Variants in BBS9 observed in about 807,000 individuals in gnomAD.
BBS9 encodes protein PTHB1.
BBS9 carries 89 observed loss-of-function variants against 117.7 expected under a neutral mutation model. The observed-to-expected ratio is 0.76, with a 90% CI of 0.64 to 0.90. The LOEUF (loss-of-function observed/expected upper bound fraction) is 0.90. Among genes scored for constraint, BBS9 ranks in the 40% least tolerant of loss-of-function variants. The pLI is 0.00. For missense variants in BBS9, 982 were observed against 1,042.2 expected (o/e 0.94, Z 0.80); for synonymous variants, 379 against 370.9 (o/e 1.02, Z -0.25).
intron 21 of BBS9, among the ~76,000 whole-genome samples, chr7:33,626,063 G>T (rs576020539): frequency 6.6e-6 from 1 of 152,144 alleles, no homozygotes; most frequent in Admixed American, 6.5e-5. Flanking sequence ...GGAGGAGAGG[G>T]GCCTGGTGGG....
intron 9 of BBS9, among the ~76,000 whole-genome samples, chr7:33,310,006 G>T (rs1037957509): frequency 6.6e-6 from 1 of 152,184 alleles, no homozygotes; most frequent in African/African-American, 2.4e-5. Context: ...CAAAAAAGGG[G>T]CACATATCAC....
intron 5 of BBS9, among the ~76,000 whole-genome samples, chr7:33,219,052 C>A (rs146815660): frequency 0.013 from 2,016 of 152,268 alleles, 48 homozygotes; most frequent in African/African-American, 0.047. Flanking sequence ...GTGGGCTTGG[C>A]GGGCCCCGCA....
At chr7:33,325,630 G>A (rs1482248871) in intron 9 of BBS9, among the ~76,000 whole-genome samples, 1 of 152,102 alleles carries the variant, frequency 6.6e-6, no homozygotes, top group Non-Finnish European at 1.5e-5. Flanking sequence ...TTTTCTGAAG[G>A]CTTTCCAGGT....
chr7:33,569,087 AAT>A (rs1041986870), intron 21 of BBS9, among the ~76,000 whole-genome samples: 8 of 152,198 alleles, frequency 5.3e-5, no homozygotes, highest in African/African-American at 1.4e-4. Flanking sequence ...TGGATACAAA[AAT>A]ATAACAGATG....
At chr7:33,524,780 C>T (rs1183901338) in intron 20 of BBS9, among the ~76,000 whole-genome samples, 1 of 152,032 alleles carries the variant, frequency 6.6e-6, no homozygotes, top group Non-Finnish European at 1.5e-5. Context: ...TTATTTCTTG[C>T]CTTCTTCTAG....
At chr7:33,522,519 G>C (rs1848786143) in intron 20 of BBS9, among the ~76,000 whole-genome samples, 1 of 152,048 alleles carries the variant, frequency 6.6e-6, no homozygotes. Context: ...ATTTTTTCAT[G>C]TGTTTTTTGG....
At chr7:33,385,590 A>T (rs942492635) in intron 18 of BBS9, among the ~76,000 whole-genome samples, 6 of 152,256 alleles carry the variant, frequency 3.9e-5, no homozygotes, top group Non-Finnish European at 8.8e-5. Context: ...ATTCAAAGGA[A>T]TGATAACCTG....
intron 21 of BBS9, among the ~76,000 whole-genome samples, chr7:33,625,754 A>G (rs1330469281): frequency 2.6e-5 from 4 of 152,208 alleles, no homozygotes; most frequent in South Asian, 2.1e-4. Flanking sequence ...ATTTTTCCTC[A>G]TAAAGATACG....
chr7:33,389,685 T>G (rs1826688022), intron 19 of BBS9, among the ~76,000 whole-genome samples: 1 of 45,620 alleles, frequency 2.2e-5, no homozygotes, highest in Non-Finnish European at 3.6e-5. Context: ...CAAGACTCCA[T>G]CTAAAAAAAA....
At chr7:33,360,295 A>C (rs1275275580) in intron 16 of BBS9, among the ~76,000 whole-genome samples, 2 of 152,144 alleles carry the variant, frequency 1.3e-5, no homozygotes, top group Non-Finnish European at 2.9e-5. Context: ...AATGTTTTTA[A>C]AACTTCTGAA....
intron 5 of BBS9, among the ~76,000 whole-genome samples, chr7:33,186,114 C>G (rs1230833643): frequency 6.6e-6 from 1 of 152,172 alleles, no homozygotes; most frequent in Non-Finnish European, 1.5e-5. Context: ...TCTAGCTGTG[C>G]TTCTCAAACT....
chr7:33,300,390 A>G (rs1192841766), intron 9 of BBS9, among the ~76,000 whole-genome samples: 2 of 152,220 alleles, frequency 1.3e-5, no homozygotes, highest in African/African-American at 4.8e-5. Context: ...TATCCAGTTC[A>G]CAGATGCTGT....
intron 21 of BBS9, among the ~76,000 whole-genome samples, chr7:33,603,018 A>G (rs1864035157): frequency 6.6e-6 from 1 of 152,158 alleles, no homozygotes; most frequent in African/African-American, 2.4e-5. Flanking sequence ...TTGTCAAAAT[A>G]CTGAGTCAGC....
intron 19 of BBS9, among the ~76,000 whole-genome samples, chr7:33,470,483 C>G (rs1320569977): frequency 6.6e-6 from 1 of 152,044 alleles, no homozygotes; most frequent in Non-Finnish European, 1.5e-5. Context: ...TTTTACCACC[C>G]CTATTTATTG....
At chr7:33,247,739 T>C (rs566925948) in intron 5 of BBS9, among the ~76,000 whole-genome samples, 1 of 152,326 alleles carries the variant, frequency 6.6e-6, no homozygotes, top group South Asian at 2.1e-4. Flanking sequence ...TGAATGTGCA[T>C]GGAATTTGTT....
intron 9 of BBS9, chr7:33,314,389 A>G (rs937263491): frequency 1.4e-4 from 44 of 321,960 alleles, no homozygotes; most frequent in Non-Finnish European, 2.4e-4. Flanking sequence ...GCTCAGTGCT[A>G]GATTAGAGCT....
chr7:33,419,723 T>C (rs1206206339), intron 19 of BBS9, among the ~76,000 whole-genome samples: 1 of 152,208 alleles, frequency 6.6e-6, no homozygotes, highest in Non-Finnish European at 1.5e-5. Context: ...GTTTGGCCTG[T>C]TTTTATTTGA....
At chr7:33,471,211 G>A (rs1312766500) in intron 19 of BBS9, among the ~76,000 whole-genome samples, 1 of 152,132 alleles carries the variant, frequency 6.6e-6, no homozygotes, top group African/African-American at 2.4e-5. Context: ...TAAATGTACA[G>A]TCATAGTGGG....
chr7:33,215,666 A>T (rs1788913583), intron 5 of BBS9, among the ~76,000 whole-genome samples: 1 of 152,142 alleles, frequency 6.6e-6, no homozygotes, highest in African/African-American at 2.4e-5. Flanking sequence ...CAGGAATATT[A>T]TTCAGCCATA....
Sources: gnomAD v4.1 joint callset for allele counts (sites outside exome capture counted in the v4.1 genomes callset) on GRCh38, gnomAD v4.1.1 for gene constraint, MANE v1.5 for transcripts, NCBI Gene and HGNC (gene_info 2026-07-23, HGNC 2026-07-21) for gene names.